The following KCTD16 variants were observed in gnomAD, a reference collection of about 807,000 sequenced individuals.
KCTD16 encodes the protein BTB/POZ domain-containing protein KCTD16.
A neutral mutation model predicts 33.2 loss-of-function variants in KCTD16; 13 were observed. That is an observed-to-expected ratio of 0.39 (90% CI 0.25 to 0.62). The LOEUF is 0.62. Ranked by LOEUF, KCTD16 falls within the 20% of genes least tolerant of loss-of-function variation. The pLI is 0.50. For synonymous variants in KCTD16, 197 were observed against 195.3 expected, an observed-to-expected ratio of 1.01 and a Z score of -0.07; for missense variants, 441 against 525.1, an observed-to-expected ratio of 0.84 and a Z score of 1.57.
intron 3 of KCTD16, among the ~76,000 whole-genome samples, chr5:144,275,637 A>T (rs867133356): frequency 6.6e-6 from 1 of 152,142 alleles, no homozygotes; most frequent in African/African-American, 2.4e-5. Context: ...GATTCTCAAA[A>T]CAAAATTAGT....
chr5:144,364,703 G>A (rs1751793563), intron 3 of KCTD16, among the ~76,000 whole-genome samples: 1 of 152,202 alleles, frequency 6.6e-6, no homozygotes, highest in African/African-American at 2.4e-5. Flanking sequence ...AGTAAAAGTA[G>A]TAACCAATAA....
chr5:144,283,053 C>CT (rs916345902), intron 3 of KCTD16, among the ~76,000 whole-genome samples: 4 of 151,882 alleles, frequency 2.6e-5, no homozygotes, highest in East Asian at 1.9e-4. Context: ...CTCTTTTTTT[C>CT]TTTTTTTTAT....
rs568450200 is a variant in KCTD16 at position 144,231,036 on chromosome 5, TG to T, written c.832+23491del. On this transcript the variant is annotated intron_variant, in intron 3 of 3. Coordinates refer to ENST00000512467, the MANE Select transcript of KCTD16 (RefSeq NM_020768.4). The stretch of plus-strand genomic sequence containing the variant: ...AGAGCAGATGGTGAAGGGCCTTATG[TG>T]ACGTGCTGAACTACTGGACTTTATC... Among the ~76,000 whole-genome samples the T allele has an allele frequency of 2.0e-5, 3 of 152,316 alleles. No homozygotes were observed. In the South Asian group the frequency reaches 6.2e-4, roughly 32 times the overall value.
chr5:144,219,044 G>T (rs1753650826), intron 3 of KCTD16, among the ~76,000 whole-genome samples: 1 of 152,006 alleles, frequency 6.6e-6, no homozygotes. Context: ...GCATACTTGG[G>T]CAAGTGTCTT....
intron 3 of KCTD16, among the ~76,000 whole-genome samples, chr5:144,319,389 T>A (rs1752015515): frequency 6.6e-6 from 1 of 152,196 alleles, no homozygotes; most frequent in Non-Finnish European, 1.5e-5. Flanking sequence ...ATCTCAAATA[T>A]TATAAGTTAA....
intron 3 of KCTD16, among the ~76,000 whole-genome samples, chr5:144,445,758 G>A (rs1000273630): frequency 1.3e-5 from 2 of 150,514 alleles, no homozygotes; most frequent in East Asian, 2.0e-4. Context: ...TTTCATTATG[G>A]TCTCTCTATC....
chr5:144,429,241 T>G (rs1016205896), intron 3 of KCTD16, among the ~76,000 whole-genome samples: 1 of 152,152 alleles, frequency 6.6e-6, no homozygotes. Flanking sequence ...TATTTTTCAG[T>G]TGGAAGTGTC....
chr5:144,242,225 G>A (rs10061423), intron 3 of KCTD16, among the ~76,000 whole-genome samples: 5,120 of 151,882 alleles, frequency 0.034, 249 homozygotes, highest in African/African-American at 0.11. Context: ...TTATCTAGGG[G>A]CCATGTACTG....
chr5:144,244,502 A>G (rs1754494919), intron 3 of KCTD16, among the ~76,000 whole-genome samples: 1 of 152,220 alleles, frequency 6.6e-6, no homozygotes, highest in African/African-American at 2.4e-5. Flanking sequence ...GAGGGTTGCT[A>G]AGTCAATTCC....
At chr5:144,437,183 G>A (rs1373705569) in intron 3 of KCTD16, among the ~76,000 whole-genome samples, 1 of 152,246 alleles carries the variant, frequency 6.6e-6, no homozygotes, top group Admixed American at 6.5e-5. Flanking sequence ...AAATCCTCAT[G>A]TATCTTTTGC....
intron 3 of KCTD16, among the ~76,000 whole-genome samples, chr5:144,325,158 C>T (rs986463671): frequency 6.6e-6 from 1 of 152,098 alleles, no homozygotes; most frequent in Non-Finnish European, 1.5e-5. Flanking sequence ...GATCTCTTCC[C>T]TCTGATTATT....
At chr5:144,413,732 C>T (rs781489650) in intron 3 of KCTD16, among the ~76,000 whole-genome samples, 55 of 152,170 alleles carry the variant, frequency 3.6e-4, no homozygotes, top group Non-Finnish European at 6.8e-4. Flanking sequence ...GATGGAGACT[C>T]CTGTGAGTTC....
chr5:144,207,127 A>T lies in KCTD16; in HGVS notation c.413A>T (p.Asp138Val), dbSNP rs751384415. The change falls in exon 3 of 4, where the codon GAC (aspartate) becomes GTC (valine). Residue 138 changes from aspartate to valine, a missense_variant. This residue lies in a region of KCTD16 where 355 missense variants were observed against 413.0 expected (regional missense o/e 0.86). Coordinates refer to ENST00000512467, the MANE Select transcript of KCTD16 (RefSeq NM_020768.4). The stretch of plus-strand genomic sequence containing the variant: ...AGCCCAGATGAATTCTGCCACAGTG[A>T]CTTTGAAGATGCCTCCCAAGGAAGC... ...KQSPDEFCHS[D>V]FEDASQGSDT... The T allele has an allele frequency of 1.2e-6, 2 of 1,610,788 alleles. No individual in the cohort carries two copies. Among genetic ancestry groups the T allele is most frequent in the Non-Finnish European group, 1.7e-6 (2 of 1,178,626 alleles).
At chr5:144,468,129 C>T (rs1754389169) in intron 3 of KCTD16, among the ~76,000 whole-genome samples, 1 of 152,182 alleles carries the variant, frequency 6.6e-6, no homozygotes. Flanking sequence ...CACCAGCAGG[C>T]CACATGCCCT....
intron 3 of KCTD16, among the ~76,000 whole-genome samples, chr5:144,233,092 C>T (rs1270805080): frequency 1.3e-5 from 2 of 151,684 alleles, no homozygotes; most frequent in Non-Finnish European, 1.5e-5. Context: ...TCAGGCAGAT[C>T]GAGTCATGGT....
chr5:144,319,477 A>G (rs1441435990), intron 3 of KCTD16, among the ~76,000 whole-genome samples: 4 of 152,212 alleles, frequency 2.6e-5, no homozygotes, highest in African/African-American at 7.2e-5. Context: ...GGTTAGCTCA[A>G]TTAACTCTGC....
intron 3 of KCTD16, among the ~76,000 whole-genome samples, chr5:144,359,185 T>A (rs1177344016): frequency 6.6e-6 from 1 of 152,214 alleles, no homozygotes; most frequent in Non-Finnish European, 1.5e-5. Flanking sequence ...GCCCTGTCTC[T>A]ATAGGACTGA....
Position 144,475,995 on chromosome 5 carries a change from G to T in KCTD16, c.*1881G>T, listed in dbSNP as rs186111575. ...AGTTGTCAAGAGAATTATAATTTAT[G>T]AATTTAAGTGGTATTCTTTTCTGTA... On this transcript the variant is annotated 3_prime_UTR_variant, in exon 4 of 4. Transcript: ENST00000512467. 3 of 152,286 alleles carry T rather than the reference G, an allele frequency of 2.0e-5. No individual in the cohort carries two copies. Among genetic ancestry groups the T allele is most frequent in the African/African-American group, 4.8e-5 (2 of 41,566 alleles). The allele number at this position is 152,286 out of a possible 1,614,324, so 9.4% of individuals were successfully genotyped here. A position where few individuals can be genotyped will look rare whatever the true frequency, so the allele number is the denominator to read the frequency against.
At chr5:144,401,347 G>C (rs983482493) in intron 3 of KCTD16, among the ~76,000 whole-genome samples, 14 of 152,162 alleles carry the variant, frequency 9.2e-5, no homozygotes, top group African/African-American at 3.4e-4. Flanking sequence ...ATACTGGAAA[G>C]GTGTATCATC....
Sources: allele counts gnomAD v4.1 joint callset (sites outside exome capture counted in the v4.1 genomes callset), GRCh38; gene constraint gnomAD v4.1.1; regional missense constraint gnomAD v4.1.1; transcripts MANE v1.5; gene names NCBI Gene and HGNC (gene_info 2026-07-23, HGNC 2026-07-21).